Variants in STXBP5L observed in about 807,000 individuals in gnomAD.
STXBP5L encodes syntaxin binding protein 5L.
A neutral mutation model predicts 144.5 loss-of-function variants in STXBP5L; 65 were observed. That is an observed-to-expected ratio of 0.45 (90% CI 0.37 to 0.55). STXBP5L has a LOEUF of 0.55. Ranked by LOEUF, STXBP5L falls within the 20% of genes least tolerant of loss-of-function variation. STXBP5L has a pLI of 0.00. For synonymous variants in STXBP5L, 505 were observed against 469.6 expected, an observed-to-expected ratio of 1.08 and a Z score of -0.97; for missense variants, 1,298 against 1,405.5, an observed-to-expected ratio of 0.92 and a Z score of 1.22.
At chr3:121,051,783 A>G (rs1478393702) in intron 5 of STXBP5L, among the ~76,000 whole-genome samples, 4 of 152,232 alleles carry the variant, frequency 2.6e-5, no homozygotes, top group African/African-American at 4.8e-5. Context: ...CCTTCAAAAA[A>G]TTAATGAAGC....
At chr3:121,284,759 C>G (rs2051174399) in intron 19 of STXBP5L, among the ~76,000 whole-genome samples, 1 of 152,032 alleles carries the variant, frequency 6.6e-6, no homozygotes, top group Admixed American at 6.6e-5. Flanking sequence ...TAACTAGAGA[C>G]CTAACGTTTT....
chr3:121,356,064 C>G (rs2045500915), intron 20 of STXBP5L, among the ~76,000 whole-genome samples: 1 of 152,208 alleles, frequency 6.6e-6, no homozygotes, highest in African/African-American at 2.4e-5. Context: ...CCTCTGGAAG[C>G]TTCGCCCCAC....
At chr3:121,378,275 A>G (rs969291285) in intron 20 of STXBP5L, among the ~76,000 whole-genome samples, 1 of 152,230 alleles carries the variant, frequency 6.6e-6, no homozygotes, top group Non-Finnish European at 1.5e-5. Context: ...ACCATGGTGC[A>G]TGTATACCTA....
intron 7 of STXBP5L, among the ~76,000 whole-genome samples, chr3:121,150,123 G>T (rs1029117064): frequency 2.6e-5 from 4 of 151,888 alleles, no homozygotes; most frequent in Non-Finnish European, 4.4e-5. Flanking sequence ...ACTGTGGTTA[G>T]AATATAATAT....
intron 9 of STXBP5L, among the ~76,000 whole-genome samples, chr3:121,165,829 G>T (rs1187795239): frequency 1.3e-5 from 2 of 152,046 alleles, no homozygotes; most frequent in East Asian, 1.9e-4. Context: ...TGGGCAGGCC[G>T]GTTGGAGATT....
chr3:120,962,869 A>T (rs1261513129), intron 3 of STXBP5L, among the ~76,000 whole-genome samples: 2 of 152,224 alleles, frequency 1.3e-5, no homozygotes, highest in Non-Finnish European at 2.9e-5. Flanking sequence ...CTTGGGCAGT[A>T]TAGCCATTTT....
Position 121,287,398 on chromosome 3 carries a change from A to G in STXBP5L, c.2110+7442A>G, listed in dbSNP as rs185631682. Among the ~76,000 whole-genome samples, 25 of 152,358 alleles carry G rather than the reference A, an allele frequency of 1.6e-4. No homozygotes were observed. In the East Asian group the frequency reaches 4.8e-3, roughly 29 times the overall value. ...AAATGTGAGTTTAACAATGTGCAGGATATAAGGTTAATATACAAAATTCCA... is the reference window on the plus strand; with the variant it reads ...AAATGTGAGTTTAACAATGTGCAGGGTATAAGGTTAATATACAAAATTCCA... On this transcript the variant is annotated intron_variant, in intron 19 of 26. Coordinates refer to ENST00000471454, the MANE Select transcript of STXBP5L (RefSeq NM_001308330.2).
chr3:121,313,224 C>A (rs1226656735), intron 19 of STXBP5L, among the ~76,000 whole-genome samples: 3 of 139,514 alleles, frequency 2.2e-5, no homozygotes, highest in Non-Finnish European at 4.6e-5. Context: ...GGCTGACCCC[C>A]CCCACCTCCC....
intron 10 of STXBP5L, among the ~76,000 whole-genome samples, chr3:121,207,525 T>G (rs2048384803): frequency 6.6e-6 from 1 of 152,134 alleles, no homozygotes; most frequent in South Asian, 2.1e-4. Flanking sequence ...TGAAAGAAAC[T>G]ACCATCATAG....
At chr3:121,296,826 A>G (rs1441428124) in intron 19 of STXBP5L, among the ~76,000 whole-genome samples, 1 of 152,208 alleles carries the variant, frequency 6.6e-6, no homozygotes, top group Non-Finnish European at 1.5e-5. Flanking sequence ...TCAAGTTGGC[A>G]ATTGTCTGCC....
chr3:121,405,165 C>A (rs531427646), intron 22 of STXBP5L, among the ~76,000 whole-genome samples: 15 of 152,230 alleles, frequency 9.9e-5, no homozygotes, highest in African/African-American at 2.9e-4. Context: ...TAAAGGCTCC[C>A]TCTTCAAATA....
In STXBP5L at chr3:121,041,734, C is replaced by T. The variant is rs1378028263; in HGVS notation, c.322C>T (p.His108Tyr). 6.2e-7 allele frequency: 1 copy of T among 1,612,778 alleles called. No homozygotes were observed. Among genetic ancestry groups the T allele is most frequent in the Non-Finnish European group, 8.5e-7 (1 of 1,179,190 alleles). ...GRPGVDCYCQ[H>Y]ESGAAVLQLQ... Reference sequence around the variant, plus strand: ...ACCTGGTGTTGATTGCTATTGCCAACATGAAAGTGGTGCAGCTGTCCTACA... The same window carrying T: ...ACCTGGTGTTGATTGCTATTGCCAATATGAAAGTGGTGCAGCTGTCCTACA... Residue 108 changes from histidine (H) to tyrosine (Y), a missense_variant, in exon 4 of 27, where the codon CAT (histidine) becomes TAT (tyrosine). His to Tyr is a moderately conservative substitution (Grantham distance 83). Coordinates refer to ENST00000471454, the MANE Select transcript of STXBP5L (RefSeq NM_001308330.2).
intron 3 of STXBP5L, among the ~76,000 whole-genome samples, chr3:120,984,638 T>TG (rs1373436960): frequency 1.4e-5 from 2 of 140,834 alleles, no homozygotes; most frequent in Non-Finnish European, 3.1e-5. Context: ...TTTCCTTTTT[T>TG]TTTTTTTTTT....
At chr3:121,019,118 G>A (rs984514806) in intron 3 of STXBP5L, among the ~76,000 whole-genome samples, 4 of 152,134 alleles carry the variant, frequency 2.6e-5, no homozygotes, top group Admixed American at 6.5e-5. Context: ...CCCACTTCCC[G>A]GGTGACCTGT....
intron 19 of STXBP5L, among the ~76,000 whole-genome samples, chr3:121,310,563 C>G (rs12486362): frequency 0.046 from 6,981 of 150,994 alleles, 430 homozygotes; most frequent in Admixed American, 0.17. Flanking sequence ...TGTAGTGAGC[C>G]GAAATCGTGC....
intron 5 of STXBP5L, among the ~76,000 whole-genome samples, chr3:121,097,482 G>T (rs2043187779): frequency 6.6e-6 from 1 of 152,204 alleles, no homozygotes; most frequent in South Asian, 2.1e-4. Flanking sequence ...GGGTTGCAAA[G>T]ACCATGGGAC....
chr3:120,937,200 T>G (rs2140429), intron 2 of STXBP5L, among the ~76,000 whole-genome samples: 19,044 of 152,200 alleles, frequency 0.13, 1,577 homozygotes, highest in Non-Finnish European at 0.19. Context: ...AAGTGGAAAC[T>G]AGTTTCTCTT....
At chr3:121,083,225 AT>A (rs1181548947) in intron 5 of STXBP5L, among the ~76,000 whole-genome samples, 3 of 152,024 alleles carry the variant, frequency 2.0e-5, no homozygotes, top group Non-Finnish European at 4.4e-5. Context: ...AACAAAAAAA[AT>A]CACTTTTACA....
chr3:121,182,032 TACTAG>T (rs1189973164), intron 9 of STXBP5L, among the ~76,000 whole-genome samples: 22 of 151,766 alleles, frequency 1.4e-4, no homozygotes, highest in East Asian at 1.9e-4. Context: ...AAACAATTAC[TACTAG>T]ACCTAAGAAA....
Sources: allele counts gnomAD v4.1 joint callset (sites outside exome capture counted in the v4.1 genomes callset), GRCh38; gene constraint gnomAD v4.1.1; transcripts MANE v1.5; gene names NCBI Gene and HGNC (gene_info 2026-07-23, HGNC 2026-07-21).